GAN: variants seen among roughly 807,000 people sequenced by gnomAD.
GAN encodes gigaxonin.
In GAN, 48 loss-of-function variants were observed where a neutral mutation model predicts 71.3. The observed-to-expected ratio is 0.67, with a 90% confidence interval of 0.53 to 0.86. The LOEUF is 0.86. Among genes scored for constraint, GAN ranks in the 40% least tolerant of loss-of-function variants. GAN has a pLI of 0.00. For synonymous variants in GAN, 386 were observed against 276.8 expected (o/e 1.39, Z -3.92); for missense variants, 928 against 770.1 (o/e 1.21, Z -2.43).
At chr16:81,330,761 A>G (rs765744059) in intron 1 of GAN, among the ~76,000 whole-genome samples, 12 of 152,370 alleles carry the variant, frequency 7.9e-5, no homozygotes, top group South Asian at 6.2e-4. Flanking sequence ...GGGAAAAATT[A>G]TAACTTAACC....
At chr16:81,375,225 A>G (rs35949216) in intron 9 of GAN, among the ~76,000 whole-genome samples, 99,399 of 151,632 alleles carry the variant, frequency 0.66, 32,788 homozygotes, top group East Asian at 0.75. Context: ...CAAAGTATCT[A>G]TATCCACAGG....
At position 81,377,732 on chromosome 16, in the gene GAN, G is replaced by C; in HGVS notation, c.*136G>C. 1.2e-6 allele frequency: 1 copy of C among 841,502 alleles called. No homozygotes were observed. Among genetic ancestry groups the C allele is most frequent in the Non-Finnish European group, 2.0e-6 (1 of 493,962 alleles). 52.1% of individuals were successfully genotyped at this position (841,502 alleles called of 1,614,324 possible). A position where few individuals can be genotyped will look rare whatever the true frequency, so the allele number is the denominator to read the frequency against. On this transcript the variant is annotated 3_prime_UTR_variant, in exon 11 of 11. Transcript: ENST00000648994. ...GGTAACTCTTTGGTGGTTTTATGATGCTTACAAACTTGAGCTTTAGCTCTT... is the reference window on the plus strand; with the variant it reads ...GGTAACTCTTTGGTGGTTTTATGATCCTTACAAACTTGAGCTTTAGCTCTT...
At chr16:81,335,833 C>A (rs756674159) in intron 1 of GAN, among the ~76,000 whole-genome samples, 1 of 150,768 alleles carries the variant, frequency 6.6e-6, no homozygotes, top group African/African-American at 2.4e-5. Context: ...GAGTAAAAAC[C>A]GTAATCTAGG....
intron 1 of GAN, among the ~76,000 whole-genome samples, chr16:81,325,395 A>G (rs1415667354): frequency 6.6e-6 from 1 of 152,200 alleles, no homozygotes; most frequent in Non-Finnish European, 1.5e-5. Context: ...GGCAGAACAA[A>G]GGATAAATGC....
At chr16:81,338,153 C>T (rs1348468175) in intron 1 of GAN, among the ~76,000 whole-genome samples, 1 of 152,118 alleles carries the variant, frequency 6.6e-6, no homozygotes, top group Admixed American at 6.6e-5. Context: ...TATTTGAACA[C>T]CTGAGATCCA....
At chr16:81,376,597 A>G (rs1003058187) in intron 9 of GAN, among the ~76,000 whole-genome samples, 2 of 150,272 alleles carry the variant, frequency 1.3e-5, no homozygotes, top group Non-Finnish European at 3.0e-5. Flanking sequence ...ATGTATAAGT[A>G]TATATTATAT....
chr16:81,319,051 C>T (rs930031390), intron 1 of GAN, among the ~76,000 whole-genome samples: 1 of 152,062 alleles, frequency 6.6e-6, no homozygotes. Context: ...CGCAGTGGCT[C>T]ATGGCTGTAA....
chr16:81,347,576 G>A (rs1204709965), intron 1 of GAN, among the ~76,000 whole-genome samples: 1 of 152,044 alleles, frequency 6.6e-6, no homozygotes, highest in Non-Finnish European at 1.5e-5. Flanking sequence ...CCCGAGAAAG[G>A]TTGCATGGGA....
At chr16:81,342,770 A>C (rs1229652947) in intron 1 of GAN, among the ~76,000 whole-genome samples, 2 of 152,338 alleles carry the variant, frequency 1.3e-5, no homozygotes, top group East Asian at 3.9e-4. Flanking sequence ...AAGACAAGAA[A>C]TAACTAAGAT....
rs1193541281 is a variant in GAN at position 81,354,680 on chromosome 16, G to C, written c.558G>C (p.Lys186Asn). ...TTAAAGAAGTGATTTCTCTTGAGAA[G>C]TTAAACGTTGGCAATGAAAGATATG... ...QKLKEVISLE[K>N]LNVGNERYVF... Residue 186 changes from lysine (K) to asparagine (N), a missense_variant, in exon 3 of 11, where the codon AAG (lysine) becomes AAC (asparagine). By Grantham distance (94) the Lys-to-Asn change is moderately conservative (BLOSUM62 0). Coordinates refer to ENST00000648994, the MANE Select transcript of GAN (RefSeq NM_022041.4). 6 of 1,613,696 alleles carry C rather than the reference G, an allele frequency of 3.7e-6. No individual in the cohort carries two copies. Among genetic ancestry groups the C allele is most frequent in the Non-Finnish European group, 1.7e-6 (2 of 1,179,566 alleles).
intron 1 of GAN, among the ~76,000 whole-genome samples, chr16:81,336,648 T>TTTTTTTTTTTTTTTTTTTGGTTGTTTC (rs144990675): frequency 6.8e-6 from 1 of 147,426 alleles, no homozygotes. Flanking sequence ...TTTTTTTTTT[T>TTTTTTTTTTTTTTTTTTTGGTTGTTTC]AATTTTCTTT....
At chr16:81,360,988 C>G (rs565312277) in intron 5 of GAN, among the ~76,000 whole-genome samples, 1 of 152,254 alleles carries the variant, frequency 6.6e-6, no homozygotes, top group South Asian at 2.1e-4. Flanking sequence ...CTTTTGGAGG[C>G]TGAGGCGGGT....
chr16:81,364,758 A>G (rs1735039819), intron 7 of GAN, among the ~76,000 whole-genome samples: 1 of 152,238 alleles, frequency 6.6e-6, no homozygotes, highest in Non-Finnish European at 1.5e-5. Context: ...CAGTTGGAGT[A>G]AGAGCTCCTT....
Position 81,362,852 on chromosome 16 carries a change from G to T in GAN, c.1086+241G>T, listed in dbSNP as rs529399960. On this transcript the variant is annotated intron_variant, in intron 6 of 10. Coordinates refer to ENST00000648994, the MANE Select transcript of GAN (RefSeq NM_022041.4). ...TCACCCCAGCCTTCACATTTATCCT[G>T]CCCTGTGCAGATGCCAGCGTGGCCT... Among the ~76,000 whole-genome samples the T allele has an allele frequency of 8.5e-5, 13 of 152,158 alleles. No homozygotes were observed. In the South Asian group the frequency reaches 1.2e-3, roughly 15 times the overall value.
At chr16:81,373,825 C>G (rs1174828638) in intron 9 of GAN, among the ~76,000 whole-genome samples, 1 of 152,204 alleles carries the variant, frequency 6.6e-6, no homozygotes. Flanking sequence ...TCACTGCAAC[C>G]TCCGCCTCCT....
At chr16:81,342,304 C>T (rs1021917655) in intron 1 of GAN, among the ~76,000 whole-genome samples, 7 of 152,204 alleles carry the variant, frequency 4.6e-5, no homozygotes, top group African/African-American at 1.4e-4. Context: ...CTACAGAACT[C>T]TCCACCCCAA....
chr16:81,325,104 C>T (rs754153571), intron 1 of GAN, among the ~76,000 whole-genome samples: 2 of 152,164 alleles, frequency 1.3e-5, no homozygotes, highest in Non-Finnish European at 2.9e-5. Flanking sequence ...TTCATCGTCA[C>T]CAACAGATGA....
At chr16:81,374,039 C>T (rs1410706068) in intron 9 of GAN, among the ~76,000 whole-genome samples, 1 of 152,228 alleles carries the variant, frequency 6.6e-6, no homozygotes, top group Non-Finnish European at 1.5e-5. Flanking sequence ...CTGCACTCAG[C>T]AGGTGGTTCA....
At chr16:81,337,650 A>T (rs1909807990) in intron 1 of GAN, among the ~76,000 whole-genome samples, 1 of 152,110 alleles carries the variant, frequency 6.6e-6, no homozygotes, top group Non-Finnish European at 1.5e-5. Flanking sequence ...CAAGTTGTAG[A>T]CCCCTTTCAT....
Sources: gnomAD v4.1 joint callset for allele counts (sites outside exome capture counted in the v4.1 genomes callset) on GRCh38, gnomAD v4.1.1 for gene constraint, MANE v1.5 for transcripts, NCBI Gene and HGNC (gene_info 2026-07-23, HGNC 2026-07-21) for gene names.